The following TMEM108 variants were observed in gnomAD, a reference collection of about 807,000 sequenced individuals.
The protein encoded by TMEM108 is cancer/testis antigen 124.
Under a neutral mutation model 35.1 loss-of-function variants are expected in TMEM108, and 12 were observed. The observed-to-expected ratio is 0.34, with a 90% confidence interval of 0.22 to 0.55. The LOEUF (loss-of-function observed/expected upper bound fraction) is 0.55, where lower values mean the gene tolerates loss of function less well. Ranked by LOEUF, TMEM108 falls within the 20% of genes least tolerant of loss-of-function variation. TMEM108 has a pLI of 0.89. For synonymous variants in TMEM108, 287 were observed against 308.6 expected (o/e 0.93, Z 0.73); for missense variants, 680 against 753.3 (o/e 0.90, Z 1.14).
At chr3:133,388,724 A>C in intron 4 of TMEM108, 1 of 985,494 alleles carries the variant, frequency 1.0e-6, no homozygotes, top group Non-Finnish European at 1.2e-6. Flanking sequence ...TTGAGAGGCC[A>C]GCAAGGCTGG....
In TMEM108 at chr3:133,237,161, C is replaced by CT. The variant is rs144867731; in HGVS notation, c.40+7818dup. 2.6e-4 allele frequency among the ~76,000 whole-genome samples: 39 copies of CT among 151,764 alleles called. No homozygotes were observed. In the South Asian group the frequency reaches 5.2e-3, roughly 20 times the overall value. On this transcript the variant is annotated intron_variant, in intron 3 of 5. Coordinates refer to ENST00000321871, the MANE Select transcript of TMEM108 (RefSeq NM_023943.4). The stretch of plus-strand genomic sequence containing the variant: ...TCCCTTGCTGGCTCATTTCTTCTTC[C>CT]TTTTTTTTGTCCAGCTAACACCAGA...
At chr3:133,169,803 C>T (rs933227327) in intron 2 of TMEM108, among the ~76,000 whole-genome samples, 2 of 152,094 alleles carry the variant, frequency 1.3e-5, no homozygotes, top group African/African-American at 4.8e-5. Flanking sequence ...TTAGAAAAAG[C>T]AATTATCTAT....
Position 133,060,514 on chromosome 3 carries a change from A to G in TMEM108, c.-47+14494A>G, listed in dbSNP as rs1429084755. ...TCTATGAATAGCTTACAGTTTGATAATTTTATGGACTGTTTGTATACCCCC... is the reference window on the plus strand; with the variant it reads ...TCTATGAATAGCTTACAGTTTGATAGTTTTATGGACTGTTTGTATACCCCC... On this transcript the variant is annotated intron_variant, in intron 2 of 5. Transcript: ENST00000321871. 2.0e-5 allele frequency among the ~76,000 whole-genome samples: 3 copies of G among 152,312 alleles called. No individual in the cohort carries two copies. In the South Asian group the frequency reaches 6.2e-4, roughly 32 times the overall value.
chr3:133,381,606 C>A (rs1672452786), intron 4 of TMEM108, among the ~76,000 whole-genome samples: 1 of 152,170 alleles, frequency 6.6e-6, no homozygotes, highest in Non-Finnish European at 1.5e-5. Context: ...CACCAAGACA[C>A]CGTAGGTCAA....
intron 2 of TMEM108, among the ~76,000 whole-genome samples, chr3:133,176,576 A>C (rs995152705): frequency 1.1e-4 from 17 of 152,186 alleles, no homozygotes; most frequent in Admixed American, 6.5e-4. Context: ...TACTGGGTAC[A>C]TAACGAAATG....
At chr3:133,379,288 C>G (rs930390493) in intron 3 of TMEM108, among the ~76,000 whole-genome samples, 15 of 152,164 alleles carry the variant, frequency 9.9e-5, no homozygotes, top group Non-Finnish European at 2.2e-4. Flanking sequence ...ATACTGCCAC[C>G]CAGGCCTTCC....
chr3:133,250,768 A>G (rs1946457161), intron 3 of TMEM108, among the ~76,000 whole-genome samples: 2 of 152,218 alleles, frequency 1.3e-5, no homozygotes, highest in South Asian at 4.1e-4. Context: ...TATGGAAATA[A>G]TACTGAGTAG....
chr3:133,107,227 C>G (rs1944163315), intron 2 of TMEM108, among the ~76,000 whole-genome samples: 1 of 152,076 alleles, frequency 6.6e-6, no homozygotes, highest in South Asian at 2.1e-4. Context: ...TTAAATACCC[C>G]CCAAATACTT....
At chr3:133,121,039 C>G (rs1260899122) in intron 2 of TMEM108, 2 of 152,200 alleles carry the variant, frequency 1.3e-5, no homozygotes, top group Non-Finnish European at 2.9e-5. Flanking sequence ...CCCATTTGCT[C>G]ACATAGAAGA....
chr3:133,268,661 G>A (rs149775202), intron 3 of TMEM108, among the ~76,000 whole-genome samples: 1 of 152,244 alleles, frequency 6.6e-6, no homozygotes, highest in East Asian at 1.9e-4. Flanking sequence ...TATTATAAAT[G>A]GTAACCATGT....
chr3:133,325,138 A>G (rs761811487), intron 3 of TMEM108, among the ~76,000 whole-genome samples: 10 of 152,170 alleles, frequency 6.6e-5, no homozygotes, highest in Non-Finnish European at 1.3e-4. Flanking sequence ...CACCATGGAG[A>G]GCTACTCAGC....
intron 5 of TMEM108, among the ~76,000 whole-genome samples, chr3:133,391,907 T>TA (rs1187125817): frequency 6.6e-6 from 1 of 152,188 alleles, no homozygotes; most frequent in Admixed American, 6.5e-5. Context: ...GGTCTGATAT[T>TA]AGTTTAGTAC....
intron 2 of TMEM108, among the ~76,000 whole-genome samples, chr3:133,171,579 G>A (rs1049341572): frequency 2.0e-5 from 3 of 152,164 alleles, no homozygotes; most frequent in Admixed American, 2.0e-4. Context: ...AGATTTCAGG[G>A]ACATTTCCTG....
chr3:133,320,305 TC>T (rs1363654874), intron 3 of TMEM108, among the ~76,000 whole-genome samples: 2 of 150,382 alleles, frequency 1.3e-5, no homozygotes, highest in Admixed American at 6.6e-5. Context: ...TAAAAAATGC[TC>T]CAAAGAAATA....
At chr3:133,050,829 T>C (rs539168058) in intron 2 of TMEM108, among the ~76,000 whole-genome samples, 1 of 152,082 alleles carries the variant, frequency 6.6e-6, no homozygotes, top group Non-Finnish European at 1.5e-5. Context: ...ATGTCTTTCA[T>C]GGTTTGATAG....
intron 3 of TMEM108, among the ~76,000 whole-genome samples, chr3:133,314,116 C>T (rs539532298): frequency 9.2e-5 from 14 of 152,022 alleles, no homozygotes; most frequent in Non-Finnish European, 2.1e-4. Context: ...TGTGTTCCTG[C>T]AGGAATTTTT....
At chr3:133,359,223 G>T (rs532342526) in intron 3 of TMEM108, among the ~76,000 whole-genome samples, 1 of 152,308 alleles carries the variant, frequency 6.6e-6, no homozygotes, top group East Asian at 1.9e-4. Context: ...AATAGGTATT[G>T]CTGGCAAGAA....
At chr3:133,389,284 G>A (rs574838714) in intron 4 of TMEM108, 5 of 985,320 alleles carry the variant, frequency 5.1e-6, no homozygotes, top group African/African-American at 1.7e-5. Context: ...GAACAGACAG[G>A]GTCACATGTC....
chr3:133,171,968 T>C (rs951150045), intron 2 of TMEM108, among the ~76,000 whole-genome samples: 5 of 152,226 alleles, frequency 3.3e-5, no homozygotes, highest in Non-Finnish European at 5.9e-5. Flanking sequence ...TTACCACTTT[T>C]GGTGTGAAAA....
Sources: gnomAD v4.1 joint callset for allele counts (sites outside exome capture counted in the v4.1 genomes callset) on GRCh38, gnomAD v4.1.1 for gene constraint, MANE v1.5 for transcripts, NCBI Gene and HGNC (gene_info 2026-07-23, HGNC 2026-07-21) for gene names.